Variants in SHC3 observed in about 807,000 individuals in gnomAD.
SHC3 encodes the protein SHC adaptor protein 3.
In SHC3, 15 loss-of-function variants were observed where a neutral mutation model predicts 60.4. The observed-to-expected ratio is 0.25, with a 90% confidence interval of 0.17 to 0.38. The LOEUF (loss-of-function observed/expected upper bound fraction) is 0.38. SHC3 is among the 10% of genes least tolerant of loss of function. SHC3 has a pLI of 1.00. For missense variants in SHC3, 677 were observed against 786.1 expected, an observed-to-expected ratio of 0.86 and a Z score of 1.66; for synonymous variants, 294 against 325.9, an observed-to-expected ratio of 0.90 and a Z score of 1.05.
intron 2 of SHC3, among the ~76,000 whole-genome samples, chr9:89,082,515 T>G (rs1026963687): frequency 6.6e-6 from 1 of 152,212 alleles, no homozygotes; most frequent in Non-Finnish European, 1.5e-5. Flanking sequence ...GTCAAAGTCT[T>G]GGTCATCTCC....
chr9:89,172,266 G>T (rs1307922265), intron 1 of SHC3, among the ~76,000 whole-genome samples: 1 of 152,138 alleles, frequency 6.6e-6, no homozygotes, highest in Non-Finnish European at 1.5e-5. Context: ...CTCTGACGTG[G>T]CCACTCAGGG....
intron 2 of SHC3, chr9:89,109,354 C>T (rs79949434): frequency 0.028 from 26,461 of 942,494 alleles, 400 homozygotes; most frequent in African/African-American, 0.045. Flanking sequence ...TTCAGGAAGT[C>T]CAGCGAGGGT....
intron 5 of SHC3, among the ~76,000 whole-genome samples, chr9:89,069,876 C>T (rs1380194253): frequency 2.6e-5 from 4 of 152,240 alleles, no homozygotes; most frequent in African/African-American, 9.6e-5. Context: ...ATTGCTCCTT[C>T]AATTTGGCTT....
chr9:89,084,785 G>A (rs1290012691), intron 2 of SHC3, among the ~76,000 whole-genome samples: 1 of 152,190 alleles, frequency 6.6e-6, no homozygotes, highest in Non-Finnish European at 1.5e-5. Context: ...CAAGTTCTCA[G>A]GCAATGAGGA....
At chr9:89,103,009 G>A (rs1313767967) in intron 2 of SHC3, among the ~76,000 whole-genome samples, 1 of 152,204 alleles carries the variant, frequency 6.6e-6, no homozygotes, top group East Asian at 1.9e-4. Flanking sequence ...TGTGGACCAG[G>A]AGAATGGACA....
chr9:89,043,735 C>T (rs894909058), intron 9 of SHC3, among the ~76,000 whole-genome samples: 2 of 151,700 alleles, frequency 1.3e-5, no homozygotes, highest in Admixed American at 6.6e-5. Context: ...TCACTGCAAC[C>T]TCCACCTCCC....
intron 2 of SHC3, among the ~76,000 whole-genome samples, chr9:89,111,693 G>A (rs530042648): frequency 1.1e-4 from 16 of 152,224 alleles, no homozygotes; most frequent in African/African-American, 3.9e-4. Flanking sequence ...TTTCTTAGCA[G>A]CTAATGACTA....
chr9:89,033,769 A>T (rs2117857349), intron 11 of SHC3, among the ~76,000 whole-genome samples: 1 of 152,354 alleles, frequency 6.6e-6, no homozygotes. Flanking sequence ...TAAGTGCTTT[A>T]AGGTAAAAAC....
chr9:89,094,103 CA>C (rs1160433992), intron 2 of SHC3, among the ~76,000 whole-genome samples: 3,514 of 73,008 alleles, frequency 0.048, 55 homozygotes, highest in Admixed American at 0.092. Context: ...GACTCTGTCT[CA>C]AAAAAAAAAA....
chr9:89,095,304 A>G lies in SHC3; in HGVS notation c.545+17252T>C, dbSNP rs556854139. On this transcript the variant is annotated intron_variant, in intron 2 of 11. Transcript: ENST00000375835. The stretch of plus-strand genomic sequence containing the variant: ...GGAAGGAAATTCTGACACGTGCTAC[A>G]AGATGGATAAACCTTGAGGATATTA... Among the ~76,000 whole-genome samples, 3 of 152,360 alleles carry G rather than the reference A, an allele frequency of 2.0e-5. No homozygotes were observed. In the South Asian group the frequency reaches 6.2e-4, roughly 32 times the overall value.
chr9:89,072,531 C>T (rs777990184), intron 4 of SHC3, among the ~76,000 whole-genome samples: 10 of 152,058 alleles, frequency 6.6e-5, no homozygotes, highest in Non-Finnish European at 1.0e-4. Context: ...AAATCCAGAG[C>T]AGACAATCCA....
chr9:89,159,454 C>G (rs1307326626), intron 1 of SHC3, among the ~76,000 whole-genome samples: 1 of 152,164 alleles, frequency 6.6e-6, no homozygotes, highest in Non-Finnish European at 1.5e-5. Flanking sequence ...TTAGCTACTT[C>G]AAGGACTGTC....
Position 89,043,655 on chromosome 9 carries a change from T to TA in SHC3, c.1202-1472_1202-1471insT, listed in dbSNP as rs200488471. 5.0e-3 allele frequency among the ~76,000 whole-genome samples: 747 copies of TA among 149,998 alleles called. 4 individuals are homozygous for TA. Among genetic ancestry groups the TA allele is most frequent in the African/African-American group, 9.5e-3 (390 of 41,018 alleles). On this transcript the variant is annotated intron_variant, in intron 9 of 11. Transcript: ENST00000375835. ...ATGTGAGAAAAGATATTTATTTATT[T>TA]TTTTTTTTTTTTTTGAGGCAGGGTC... is the stretch of plus-strand genomic sequence containing the variant.
intron 11 of SHC3, among the ~76,000 whole-genome samples, chr9:89,015,244 C>T (rs1294691219): frequency 1.3e-5 from 2 of 152,194 alleles, no homozygotes; most frequent in African/African-American, 2.4e-5. Context: ...TGGGGTGTTG[C>T]CTTAACATTG....
chr9:89,133,768 G>T (rs1479484574), intron 1 of SHC3, among the ~76,000 whole-genome samples: 1 of 152,074 alleles, frequency 6.6e-6, no homozygotes, highest in Non-Finnish European at 1.5e-5. Flanking sequence ...TCATGGGGTG[G>T]GGGGAGCTGG....
At chr9:89,168,615 C>T (rs943936886) in intron 1 of SHC3, among the ~76,000 whole-genome samples, 3 of 152,270 alleles carry the variant, frequency 2.0e-5, no homozygotes, top group African/African-American at 4.8e-5. Context: ...CAGCTAGTGG[C>T]CACTCTAGAA....
chr9:89,178,424 C>A lies in SHC3; in HGVS notation c.37G>T (p.Asp13Tyr). ...PRTKYNRFRN[D>Y]SVTSVDDLLH... ...AGGTCATCGACCGATGTCACCGAGT[C>A]ATTCCTGAAGCGGTTATACTTGGTG... The change falls in exon 1 of 12, where the codon GAC (aspartate) becomes TAC (tyrosine). Residue 13 changes from aspartate to tyrosine, a missense_variant. Physicochemically the swap from Asp to Tyr is radical, Grantham distance 160. Coordinates refer to ENST00000375835, the MANE Select transcript of SHC3 (RefSeq NM_016848.6). This position sits in a 1 kb window ranked among gnomAD's most constrained non-coding sequence, Gnocchi z 6.9. 2 of 1,528,552 alleles carry A rather than the reference C, an allele frequency of 1.3e-6. No individual in the cohort carries two copies. The highest frequency in any genetic ancestry group is 2.5e-5 in the South Asian group (2 of 81,168). 94.7% of individuals were successfully genotyped at this position (1,528,552 alleles called of 1,614,324 possible).
At chr9:89,038,437 G>A (rs1461003355) in intron 10 of SHC3, 149 bp from the exon 11 acceptor site, 1 of 862,302 alleles carries the variant, frequency 1.2e-6, no homozygotes, top group Non-Finnish European at 1.7e-6. Flanking sequence ...ACAACTAACT[G>A]GCTGGTAATA....
chr9:89,039,409 A>T (rs1824637689), intron 10 of SHC3, among the ~76,000 whole-genome samples: 1 of 152,238 alleles, frequency 6.6e-6, no homozygotes, highest in African/African-American at 2.4e-5. Context: ...GATAAAAATA[A>T]GTTAGAACCA....
Sources: gnomAD v4.1 joint callset for allele counts (sites outside exome capture counted in the v4.1 genomes callset) on GRCh38, gnomAD v4.1.1 for gene constraint, Gnocchi (gnomAD v3.1) non-coding constraint, MANE v1.5 for transcripts, NCBI Gene and HGNC (gene_info 2026-07-23, HGNC 2026-07-21) for gene names.